Variants in TMEM232 observed in about 807,000 individuals in gnomAD.
The protein encoded by TMEM232 is transmembrane protein 232.
Under a neutral mutation model 78.8 loss-of-function variants are expected in TMEM232, and 80 were observed. The observed-to-expected ratio is 1.01, with a 90% CI of 0.85 to 1.22. The LOEUF (loss-of-function observed/expected upper bound fraction) is 1.22, where lower values mean the gene tolerates loss of function less well. Among genes scored for constraint, TMEM232 ranks in the 50% most tolerant of loss-of-function variants. The probability of loss-of-function intolerance (pLI) is 0.00; values close to 1 mark genes in which losing one functional copy is unlikely to be tolerated. For synonymous variants in TMEM232, 297 were observed against 254.3 expected (o/e 1.17, Z -1.60); for missense variants, 881 against 742.2 (o/e 1.19, Z -2.17).
intron 10 of TMEM232, among the ~76,000 whole-genome samples, chr5:110,598,345 C>T (rs1297374248): frequency 6.6e-6 from 1 of 151,962 alleles, no homozygotes; most frequent in Non-Finnish European, 1.5e-5. Context: ...GGCAATCATT[C>T]AAAAGTCAGG....
At chr5:110,427,893 A>T (rs1018416963) in intron 12 of TMEM232, among the ~76,000 whole-genome samples, 3 of 151,920 alleles carry the variant, frequency 2.0e-5, no homozygotes, top group African/African-American at 7.2e-5. Context: ...TTTAAGGGGT[A>T]TATGAGATGT....
At chr5:110,635,842 C>G (rs943367159) in intron 5 of TMEM232, among the ~76,000 whole-genome samples, 5 of 151,916 alleles carry the variant, frequency 3.3e-5, no homozygotes, top group African/African-American at 1.2e-4. Context: ...CTATGGAAAA[C>G]AGTGTTTAGG....
chr5:110,668,139 C>G (rs1451466770), intron 1 of TMEM232, among the ~76,000 whole-genome samples: 1 of 152,022 alleles, frequency 6.6e-6, no homozygotes, highest in Non-Finnish European at 1.5e-5. Flanking sequence ...GCAGGGCACA[C>G]TCAAATATGG....
chr5:110,464,270 T>C (rs1378599258), intron 12 of TMEM232, among the ~76,000 whole-genome samples: 1 of 152,178 alleles, frequency 6.6e-6, no homozygotes, highest in East Asian at 1.9e-4. Context: ...ATTTATCAAA[T>C]GAGTGAAAAA....
intron 12 of TMEM232, among the ~76,000 whole-genome samples, chr5:110,434,924 T>C (rs949249004): frequency 6.6e-6 from 1 of 151,968 alleles, no homozygotes; most frequent in African/African-American, 2.4e-5. Flanking sequence ...GAAAAATCTC[T>C]CAACAAACTA....
chr5:110,433,806 A>G (rs936095258), intron 12 of TMEM232, among the ~76,000 whole-genome samples: 1 of 151,984 alleles, frequency 6.6e-6, no homozygotes, highest in African/African-American at 2.4e-5. Context: ...ATGTTGAACC[A>G]TCTTAAATCC....
At chr5:110,665,360 A>C (rs1790418440) in intron 2 of TMEM232, among the ~76,000 whole-genome samples, 1 of 152,146 alleles carries the variant, frequency 6.6e-6, no homozygotes, top group Admixed American at 6.6e-5. Context: ...CTGTCTCTGT[A>C]TTAGTCCGTT....
intron 11 of TMEM232, among the ~76,000 whole-genome samples, chr5:110,531,794 T>A (rs371939271): frequency 3.9e-5 from 6 of 152,308 alleles, no homozygotes; most frequent in African/African-American, 1.4e-4. Context: ...CATGGCTCGT[T>A]TGGCAGCAAC....
At chr5:110,606,375 A>T (rs755552440) in intron 8 of TMEM232, 88 bp from the exon 9 acceptor site, 33 of 1,295,722 alleles carry the variant, frequency 2.5e-5, no homozygotes, top group Non-Finnish European at 3.3e-5. Flanking sequence ...GAAATAGGTC[A>T]GAGGAAATGC....
At chr5:110,495,191 A>T (rs1340969458) in intron 12 of TMEM232, among the ~76,000 whole-genome samples, 1 of 151,620 alleles carries the variant, frequency 6.6e-6, no homozygotes, top group African/African-American at 2.4e-5. Context: ...AGCAAATAAA[A>T]GGAGAGATCT....
chr5:110,688,044 T>C (rs1441576736), intron 1 of TMEM232, among the ~76,000 whole-genome samples: 1 of 152,102 alleles, frequency 6.6e-6, no homozygotes, highest in Non-Finnish European at 1.5e-5. Context: ...GCATATTTTG[T>C]TTAGTAACTC....
intron 12 of TMEM232, among the ~76,000 whole-genome samples, chr5:110,476,113 T>C (rs1053039925): frequency 6.6e-6 from 1 of 151,976 alleles, no homozygotes; most frequent in Non-Finnish European, 1.5e-5. Flanking sequence ...AATGTCATAA[T>C]TGAAAGGAAA....
chr5:110,703,066 C>T (rs77836167), intron 1 of TMEM232, among the ~76,000 whole-genome samples: 2,598 of 151,964 alleles, frequency 0.017, 36 homozygotes, highest in Non-Finnish European at 0.026. Flanking sequence ...CTTGACTCTC[C>T]GGAGGGTAAA....
At position 110,634,916 on chromosome 5, in the gene TMEM232, T is replaced by C. The variant is rs553729438; in HGVS notation, c.501+3282A>G. ...GATGAACAAAATGAAAAAGTTTTTTTAAAGATAAAATTGATCAACTGCTAG... is the reference window on the plus strand; with the variant it reads ...GATGAACAAAATGAAAAAGTTTTTTCAAAGATAAAATTGATCAACTGCTAG... On this transcript the variant is annotated intron_variant, in intron 5 of 13. Coordinates refer to ENST00000455884, the MANE Select transcript of TMEM232 (RefSeq NM_001039763.4). Among the ~76,000 whole-genome samples the C allele has an allele frequency of 1.1e-4, 16 of 151,976 alleles. No homozygotes were observed. The South Asian group carries it at 1.5e-3, about 14-fold the overall frequency.
At chr5:110,399,689 G>A (rs1246872881) in intron 2 of TMEM232, among the ~76,000 whole-genome samples, 1 of 152,030 alleles carries the variant, frequency 6.6e-6, no homozygotes, top group Non-Finnish European at 1.5e-5. Flanking sequence ...GATAGGTTCT[G>A]AAGCTTTTAA....
upstream of TMEM232, among the ~76,000 whole-genome samples, chr5:110,727,393 C>T (rs1482482584): frequency 6.6e-6 from 1 of 152,114 alleles, no homozygotes; most frequent in Admixed American, 6.5e-5. Context: ...GGGCGGATCA[C>T]GAGGTCAGGA....
intron 8 of TMEM232, among the ~76,000 whole-genome samples, chr5:110,617,374 T>C (rs937034204): frequency 7.1e-6 from 1 of 140,240 alleles, no homozygotes; most frequent in African/African-American, 3.1e-5. Context: ...ATTGTGACTA[T>C]GGTAAAAAAA....
chr5:110,628,391 G>A (rs1474952266), intron 5 of TMEM232, among the ~76,000 whole-genome samples: 2 of 151,960 alleles, frequency 1.3e-5, no homozygotes, highest in Non-Finnish European at 2.9e-5. Flanking sequence ...TCCTACTTCT[G>A]CATAGCATGC....
intron 1 of TMEM232, among the ~76,000 whole-genome samples, chr5:110,707,481 G>T (rs550621672): frequency 6.6e-6 from 1 of 152,296 alleles, no homozygotes; most frequent in South Asian, 2.1e-4. Context: ...AGCTAGGAGG[G>T]AATCACCCAT....
Sources: gnomAD v4.1 joint callset for allele counts (sites outside exome capture counted in the v4.1 genomes callset) on GRCh38, gnomAD v4.1.1 for gene constraint, MANE v1.5 for transcripts, NCBI Gene and HGNC (gene_info 2026-07-23, HGNC 2026-07-21) for gene names.